Variants in FAM81A observed in about 807,000 individuals in gnomAD.
The protein encoded by FAM81A is family with sequence similarity 81 member A.
Under a neutral mutation model 46.7 loss-of-function variants are expected in FAM81A, and 19 were observed. That is an observed-to-expected ratio of 0.41 (90% CI 0.28 to 0.60). FAM81A has a LOEUF of 0.60. Among genes scored for constraint, FAM81A ranks in the 20% least tolerant of loss-of-function variants. The pLI is 0.34. For missense variants in FAM81A, 377 were observed against 453.5 expected, an observed-to-expected ratio of 0.83 and a Z score of 1.53; for synonymous variants, 183 against 152.9, an observed-to-expected ratio of 1.20 and a Z score of -1.45.
At chr15:59,517,236 T>G (rs1308710891) in intron 8 of FAM81A, among the ~76,000 whole-genome samples, 3 of 152,182 alleles carry the variant, frequency 2.0e-5, no homozygotes, top group African/African-American at 7.2e-5. Flanking sequence ...AAGAATGATT[T>G]TCCTCTACTG....
upstream of FAM81A, chr15:59,438,168 T>A (rs1273382298): frequency 2.7e-5 from 4 of 145,652 alleles, no homozygotes; most frequent in African/African-American, 9.9e-5. Flanking sequence ...TGGACGGCGC[T>A]CCCCGCGGCG....
chr15:59,406,163 A>G (rs1435346866), intron 2 of FAM81A, among the ~76,000 whole-genome samples: 1 of 152,206 alleles, frequency 6.6e-6, no homozygotes, highest in Non-Finnish European at 1.5e-5. Flanking sequence ...GATCATTCTC[A>G]TTGAAAAATT....
chr15:59,454,685 G>A (rs1236929709), intron 1 of FAM81A, among the ~76,000 whole-genome samples: 1 of 152,088 alleles, frequency 6.6e-6, no homozygotes, highest in Non-Finnish European at 1.5e-5. Flanking sequence ...GAGTGCAGTG[G>A]TGCAGTCATG....
intron 3 of FAM81A, among the ~76,000 whole-genome samples, chr15:59,476,447 T>C (rs2081769478): frequency 6.6e-6 from 1 of 152,040 alleles, no homozygotes; most frequent in African/African-American, 2.4e-5. Flanking sequence ...TAGAGTAAAT[T>C]TAAAAAGTAC....
intron 2 of FAM81A, among the ~76,000 whole-genome samples, chr15:59,403,914 C>T (rs184108294): frequency 1.6e-3 from 227 of 143,406 alleles, no homozygotes; most frequent in African/African-American, 5.8e-3. Flanking sequence ...GACAGAGTCT[C>T]ACTCTGTCAC....
At chr15:59,415,354 G>A (rs4238338) in intron 2 of FAM81A, among the ~76,000 whole-genome samples, 139,871 of 152,024 alleles carry the variant, frequency 0.92, 65,147 homozygotes, top group Non-Finnish European at 1. Flanking sequence ...TCCTGACCTC[G>A]TGATCCTCTT....
chr15:59,421,866 A>C (rs981701269), intron 2 of FAM81A, among the ~76,000 whole-genome samples: 1 of 118,734 alleles, frequency 8.4e-6, no homozygotes, highest in African/African-American at 3.3e-5. Flanking sequence ...TAAACCCTCA[A>C]CCCTCTATCT....
At chr15:59,452,580 G>C (rs1429111856) in intron 1 of FAM81A, among the ~76,000 whole-genome samples, 2 of 152,146 alleles carry the variant, frequency 1.3e-5, no homozygotes, top group Non-Finnish European at 2.9e-5. Context: ...CTAGGAATTG[G>C]AGGCTGCAGT....
intron 4 of FAM81A, among the ~76,000 whole-genome samples, chr15:59,498,173 C>T (rs1451858229): frequency 6.6e-6 from 1 of 152,234 alleles, no homozygotes; most frequent in East Asian, 1.9e-4. Context: ...TTTGGATCCA[C>T]AAATGTGGAT....
At chr15:59,471,489 C>G (rs770820580) in intron 3 of FAM81A, among the ~76,000 whole-genome samples, 1 of 151,862 alleles carries the variant, frequency 6.6e-6, no homozygotes, top group Non-Finnish European at 1.5e-5. Flanking sequence ...TCTGGAGAGA[C>G]AAAACCTCTG....
chr15:59,522,624 G>A lies in FAM81A; in HGVS notation c.*1246G>A, dbSNP rs550358063. 2.0e-5 allele frequency: 3 copies of A among 152,580 alleles called. No individual in the cohort carries two copies. The highest frequency in any genetic ancestry group is 2.1e-4 in the South Asian group (1 of 4,822). The allele number at this position is 152,580 out of a possible 1,614,324, so 9.5% of individuals were successfully genotyped here. ...GCCCCAGTGCTGTTTGTTCATCTCT[G>A]TATGTAAAAACTGACAGTGAGACAC... On this transcript the variant is annotated 3_prime_UTR_variant, in exon 9 of 9. Coordinates refer to ENST00000288228, the MANE Select transcript of FAM81A (RefSeq NM_152450.3).
chr15:59,401,131 T>C (rs2081068268), intron 1 of FAM81A: 1 of 700,564 alleles, frequency 1.4e-6, no homozygotes, highest in African/African-American at 1.8e-5. Context: ...CAGACATGTA[T>C]GGCTGTTTGG....
chr15:59,443,544 G>C (rs1457938264), intron 1 of FAM81A, among the ~76,000 whole-genome samples: 2 of 152,200 alleles, frequency 1.3e-5, no homozygotes, highest in African/African-American at 4.8e-5. Flanking sequence ...GGTCAGTTAT[G>C]TAGTAGAATG....
At chr15:59,514,776 T>A (rs1299239972) in intron 7 of FAM81A, among the ~76,000 whole-genome samples, 1 of 152,230 alleles carries the variant, frequency 6.6e-6, no homozygotes, top group Admixed American at 6.5e-5. Context: ...TTTGCTTTTT[T>A]GCCTGGTGTT....
At chr15:59,505,511 CG>C (rs1205152431) in intron 4 of FAM81A, among the ~76,000 whole-genome samples, 3 of 136,372 alleles carry the variant, frequency 2.2e-5, no homozygotes, top group African/African-American at 8.8e-5. Context: ...GACTCTGTCT[CG>C]AAAAAAAAAA....
chr15:59,501,590 A>C (rs2082091345), intron 4 of FAM81A, among the ~76,000 whole-genome samples: 1 of 152,236 alleles, frequency 6.6e-6, no homozygotes, highest in Non-Finnish European at 1.5e-5. Flanking sequence ...ATATGCTGAC[A>C]GAGAAGTTCT....
rs867734059 is a variant in FAM81A, at chr15:59,495,396, A to G, written c.413+3007A>G. ...ATGGCTGCATAGTACCTCATTGTGT[A>G]CTGCATTTTAAAAACCTGTTCATCA... On this transcript the variant is annotated intron_variant, in intron 4 of 8. Coordinates refer to ENST00000288228, the MANE Select transcript of FAM81A (RefSeq NM_152450.3). Among the ~76,000 whole-genome samples, 32 of 152,352 alleles carry G rather than the reference A, an allele frequency of 2.1e-4. No homozygotes were observed. The Middle Eastern group carries it at 0.02, about 97-fold the overall frequency.
At chr15:59,440,923 T>C (rs1302662814) in intron 1 of FAM81A, among the ~76,000 whole-genome samples, 1 of 152,166 alleles carries the variant, frequency 6.6e-6, no homozygotes, top group Non-Finnish European at 1.5e-5. Flanking sequence ...GCCTGCCACA[T>C]TATCTAGGAG....
At chr15:59,473,416 A>G (rs1326311668) in intron 3 of FAM81A, among the ~76,000 whole-genome samples, 10 of 152,192 alleles carry the variant, frequency 6.6e-5, no homozygotes, top group African/African-American at 1.9e-4. Context: ...TCAAAAAAAC[A>G]TAGTATATGT....
Sources: gnomAD v4.1 joint callset for allele counts (sites outside exome capture counted in the v4.1 genomes callset) on GRCh38, gnomAD v4.1.1 for gene constraint, MANE v1.5 for transcripts, NCBI Gene and HGNC (gene_info 2026-07-23, HGNC 2026-07-21) for gene names.